The following PCBP3 variants were observed in gnomAD, a reference collection of about 807,000 sequenced individuals.
The protein encoded by PCBP3 is poly(rC)-binding protein 3.
PCBP3 carries 25 observed loss-of-function variants against 52.7 expected under a neutral mutation model. The observed-to-expected ratio is 0.47, with a 90% CI of 0.35 to 0.66. PCBP3 has a LOEUF of 0.66. Ranked by LOEUF, PCBP3 falls within the 30% of genes least tolerant of loss-of-function variation. The pLI, the probability that PCBP3 is intolerant of heterozygous loss-of-function variation, is 0.01. For missense variants in PCBP3, 391 were observed against 490.3 expected, an observed-to-expected ratio of 0.80 and a Z score of 1.91; for synonymous variants, 162 against 183.0, an observed-to-expected ratio of 0.89 and a Z score of 0.93.
intron 16 of PCBP3, among the ~76,000 whole-genome samples, chr21:45,939,474 C>T (rs1422018239): frequency 6.6e-6 from 1 of 152,260 alleles, no homozygotes; most frequent in African/African-American, 2.4e-5. Context: ...TGAAAGGAGG[C>T]ACCCGAATGG....
chr21:45,657,737 G>A lies in PCBP3; in HGVS notation c.-278-11137G>A, dbSNP rs369377819. Reference sequence around the variant, plus strand: ...ATTGAATCTGTAGATAATTCGGGGAGTATTGTCAGGTTAACAATATTAAGT... The same window carrying A: ...ATTGAATCTGTAGATAATTCGGGGAATATTGTCAGGTTAACAATATTAAGT... On this transcript the variant is annotated intron_variant, in intron 1 of 17. Transcript: ENST00000681687. Among the ~76,000 whole-genome samples the A allele has an allele frequency of 2.2e-4, 33 of 152,056 alleles. 1 individual carries two copies. The East Asian group carries it at 4.0e-3, about 19-fold the overall frequency.
At chr21:45,850,497 G>T (rs1416124110) in intron 5 of PCBP3, among the ~76,000 whole-genome samples, 4 of 152,170 alleles carry the variant, frequency 2.6e-5, no homozygotes, top group African/African-American at 9.7e-5. Context: ...AGGAGTGGGG[G>T]TGCTGTTTTG....
At chr21:45,900,499 T>C in intron 7 of PCBP3, 92 bp from the exon 8 acceptor site, 1 of 942,122 alleles carries the variant, frequency 1.1e-6, no homozygotes, top group South Asian at 1.4e-5. Context: ...TGTGTGGGCG[T>C]ATGGGCCAGG....
intron 15 of PCBP3, 21 bp from the exon 16 acceptor site, chr21:45,935,232 A>T (rs1223325570): frequency 1.3e-6 from 2 of 1,596,502 alleles, no homozygotes; most frequent in South Asian, 1.1e-5. Flanking sequence ...CAGCCTAACC[A>T]TGTCCCCTTG....
intron 5 of PCBP3, 142 bp from the exon 6 acceptor site, chr21:45,896,066 G>A (rs997811932): frequency 1.1e-5 from 8 of 719,470 alleles, no homozygotes; most frequent in Admixed American, 7.5e-5. Context: ...CCCAGCAGGC[G>A]AGGCCTGGTC....
Position 45,860,030 on chromosome 21 carries a change from C to G in PCBP3, c.10+9935C>G, listed in dbSNP as rs375905178. On this transcript the variant is annotated intron_variant, in intron 5 of 17. Coordinates refer to ENST00000681687, the MANE Select transcript of PCBP3 (RefSeq NM_001384156.1). ...CTGACAAATGCACCCAGGAGTCAAG[C>G]ATGGGGGTGTCCTCGGCACCTGGAT... 1.1e-4 allele frequency among the ~76,000 whole-genome samples: 16 copies of G among 152,330 alleles called. No individual in the cohort carries two copies. The East Asian group carries it at 2.1e-3, about 20-fold the overall frequency.
intron 4 of PCBP3, among the ~76,000 whole-genome samples, chr21:45,796,255 T>C (rs2091915145): frequency 6.6e-6 from 1 of 152,240 alleles, no homozygotes; most frequent in African/African-American, 2.4e-5. Context: ...AAAAAAAATC[T>C]ATAGGTAACT....
chr21:45,903,602 G>A (rs927052340), intron 9 of PCBP3, among the ~76,000 whole-genome samples: 1 of 152,156 alleles, frequency 6.6e-6, no homozygotes. Flanking sequence ...ACGAATATGT[G>A]CTAACATAAC....
intron 4 of PCBP3, among the ~76,000 whole-genome samples, chr21:45,815,901 T>G (rs1267979210): frequency 9.1e-6 from 1 of 109,474 alleles, no homozygotes; most frequent in African/African-American, 4.0e-5. Context: ...TGATGAGTGA[T>G]GGGTGAGTGG....
At chr21:45,678,610 C>T (rs1460358329) in intron 2 of PCBP3, among the ~76,000 whole-genome samples, 1 of 151,478 alleles carries the variant, frequency 6.6e-6, no homozygotes, top group African/African-American at 2.4e-5. Flanking sequence ...AGAAGTGGAG[C>T]CTGAAGATGT....
At chr21:45,807,641 A>T (rs1189685853) in intron 4 of PCBP3, among the ~76,000 whole-genome samples, 1 of 152,010 alleles carries the variant, frequency 6.6e-6, no homozygotes, top group East Asian at 1.9e-4. Flanking sequence ...TGTTAGCTCC[A>T]TGAAGCTACC....
At chr21:45,930,206 G>A (rs571407262) in intron 14 of PCBP3, among the ~76,000 whole-genome samples, 1 of 152,192 alleles carries the variant, frequency 6.6e-6, no homozygotes, top group Non-Finnish European at 1.5e-5. Flanking sequence ...GTTGGGGGCT[G>A]GTTCACCTTA....
intron 4 of PCBP3, among the ~76,000 whole-genome samples, chr21:45,793,193 G>A (rs1029882461): frequency 6.6e-6 from 1 of 152,206 alleles, no homozygotes; most frequent in African/African-American, 2.4e-5. Flanking sequence ...TTCAAAGGGA[G>A]TGCCAAAGGC....
At chr21:45,665,336 A>G (rs140032360) in intron 1 of PCBP3, among the ~76,000 whole-genome samples, 1 of 152,174 alleles carries the variant, frequency 6.6e-6, no homozygotes, top group African/African-American at 2.4e-5. Flanking sequence ...TGAGCTCAGG[A>G]GTTTGAGGCT....
chr21:45,797,750 G>C (rs77913744), intron 4 of PCBP3, among the ~76,000 whole-genome samples: 13 of 4,668 alleles, frequency 2.8e-3, no homozygotes, highest in Admixed American at 6.4e-3. Context: ...GATCCATAGA[G>C]AGAGTGAATG....
chr21:45,705,620 A>G (rs765955879), intron 2 of PCBP3, among the ~76,000 whole-genome samples: 14 of 152,176 alleles, frequency 9.2e-5, no homozygotes, highest in South Asian at 4.1e-4. Context: ...GGACCCAAAC[A>G]GGGAACCTCT....
chr21:45,680,729 G>A (rs2081786178), intron 2 of PCBP3, among the ~76,000 whole-genome samples: 1 of 152,092 alleles, frequency 6.6e-6, no homozygotes, highest in African/African-American at 2.4e-5. Flanking sequence ...GCACTACGTG[G>A]AATATAAGTG....
intron 4 of PCBP3, among the ~76,000 whole-genome samples, chr21:45,797,138 C>T (rs2091960428): frequency 6.6e-6 from 1 of 152,086 alleles, no homozygotes; most frequent in Non-Finnish European, 1.5e-5. Flanking sequence ...TATGGGCCTA[C>T]AGAGATAGTA....
chr21:45,815,699 AGTGG>A (rs2092909315), intron 4 of PCBP3, among the ~76,000 whole-genome samples: 1 of 53,884 alleles, frequency 1.9e-5, no homozygotes, highest in Admixed American at 1.8e-4. Context: ...GTGGTGAGTG[AGTGG>A]TGAGTAGTGA....
Sources: gnomAD v4.1 joint callset for allele counts (sites outside exome capture counted in the v4.1 genomes callset) on GRCh38, gnomAD v4.1.1 for gene constraint, MANE v1.5 for transcripts, NCBI Gene and HGNC (gene_info 2026-07-23, HGNC 2026-07-21) for gene names.